TRIM33: variants seen among roughly 807,000 people sequenced by gnomAD.
TRIM33 encodes E3 ubiquitin-protein ligase TRIM33.
TRIM33 carries 20 observed loss-of-function variants against 125.4 expected under a neutral mutation model. The observed-to-expected ratio is 0.16, with a 90% CI of 0.11 to 0.23. The LOEUF is 0.23. Among genes scored for constraint, TRIM33 ranks in the 10% least tolerant of loss-of-function variants. The pLI is 1.00. For missense variants in TRIM33, 920 were observed against 1,411.4 expected, an observed-to-expected ratio of 0.65 and a Z score of 5.58; for synonymous variants, 564 against 513.9, an observed-to-expected ratio of 1.10 and a Z score of -1.32.
At chr1:114,409,562 C>G (rs1652452908) in intron 12 of TRIM33, among the ~76,000 whole-genome samples, 1 of 152,144 alleles carries the variant, frequency 6.6e-6, no homozygotes, top group Non-Finnish European at 1.5e-5. Flanking sequence ...CCATGAAAGA[C>G]TGTGAATATA....
intron 1 of TRIM33, among the ~76,000 whole-genome samples, chr1:114,498,946 T>A (rs190091220): frequency 6.6e-6 from 1 of 152,260 alleles, no homozygotes; most frequent in African/African-American, 2.4e-5. Context: ...ATCACTATAT[T>A]TCAAAACAAC....
intron 1 of TRIM33, among the ~76,000 whole-genome samples, chr1:114,486,174 G>C (rs559741211): frequency 1.3e-5 from 2 of 152,110 alleles, no homozygotes; most frequent in African/African-American, 2.4e-5. Context: ...TATTTGGTAG[G>C]CTGAGGCAGG....
intron 18 of TRIM33, among the ~76,000 whole-genome samples, chr1:114,399,236 G>A (rs1375460776): frequency 6.6e-6 from 1 of 151,822 alleles, no homozygotes; most frequent in Admixed American, 6.6e-5. Context: ...TTTAGAAAAG[G>A]ATATTTGATA....
chr1:114,427,943 C>T, intron 6 of TRIM33, 49 bp from the exon 7 acceptor site: 2 of 1,598,504 alleles, frequency 1.3e-6, no homozygotes. Flanking sequence ...GAAAAAAAAT[C>T]AACCCCACAT....
intron 1 of TRIM33, among the ~76,000 whole-genome samples, chr1:114,507,827 C>T (rs1281999828): frequency 1.3e-5 from 2 of 152,092 alleles, no homozygotes; most frequent in Non-Finnish European, 2.9e-5. Flanking sequence ...TCTAAAAACA[C>T]GGTGGATGGC....
At chr1:114,436,973 C>T (rs937124414) in intron 4 of TRIM33, among the ~76,000 whole-genome samples, 4 of 152,268 alleles carry the variant, frequency 2.6e-5, no homozygotes, top group Non-Finnish European at 5.9e-5. Context: ...TGATGAAAAA[C>T]AATCTTTTTG....
chr1:114,410,111 A>G, intron 12 of TRIM33, 73 bp downstream of exon 12: 1 of 1,551,116 alleles, frequency 6.4e-7, no homozygotes, highest in Non-Finnish European at 8.8e-7. Flanking sequence ...TTTCTGGAGA[A>G]TTCTGACTAA....
In TRIM33 at chr1:114,501,053, A is replaced by G. The variant is rs905695077; in HGVS notation, c.526+9498T>C. Reference sequence around the variant, plus strand: ...AAAATACAAAAAATTAGCCGGGCGTAGTGGCGGGCGCCTGTAGTCCCAGCT... The same window carrying G: ...AAAATACAAAAAATTAGCCGGGCGTGGTGGCGGGCGCCTGTAGTCCCAGCT... On this transcript the variant is annotated intron_variant, in intron 1 of 19. Transcript: ENST00000358465. 1.7e-5 allele frequency among the ~76,000 whole-genome samples: 2 copies of G among 114,818 alleles called. 1 individual carries two copies. Among genetic ancestry groups the G allele is most frequent in the African/African-American group, 7.6e-5 (2 of 26,380 alleles). 75.3% of individuals were successfully genotyped at this position (114,818 alleles called of 152,430 possible).
At chr1:114,487,007 A>G (rs1651741146) in intron 1 of TRIM33, among the ~76,000 whole-genome samples, 1 of 151,848 alleles carries the variant, frequency 6.6e-6, no homozygotes, top group Non-Finnish European at 1.5e-5. Flanking sequence ...GAATCACTTG[A>G]ACCCAGGAAA....
intron 11 of TRIM33, among the ~76,000 whole-genome samples, chr1:114,417,702 A>G (rs1213285553): frequency 6.6e-6 from 1 of 152,176 alleles, no homozygotes; most frequent in Admixed American, 6.5e-5. Context: ...CTTGTTACCC[A>G]GGCTGGAGTG....
intron 1 of TRIM33, among the ~76,000 whole-genome samples, chr1:114,507,454 T>G (rs1476562484): frequency 6.6e-6 from 1 of 152,214 alleles, no homozygotes; most frequent in Non-Finnish European, 1.5e-5. Flanking sequence ...ATACTCATCA[T>G]TGTTTCAAAA....
intron 4 of TRIM33, among the ~76,000 whole-genome samples, chr1:114,449,116 T>C (rs1490980795): frequency 2.0e-5 from 3 of 151,724 alleles, no homozygotes; most frequent in Admixed American, 6.6e-5. Flanking sequence ...GGTGATGACA[T>C]GAAATTAAAA....
At chr1:114,486,959 C>G (rs762468097) in intron 1 of TRIM33, among the ~76,000 whole-genome samples, 4 of 151,644 alleles carry the variant, frequency 2.6e-5, no homozygotes, top group African/African-American at 7.3e-5. Context: ...TGGTGGCGTA[C>G]GCTTGTAGTA....
chr1:114,471,270 A>T (rs1650632320), intron 1 of TRIM33, among the ~76,000 whole-genome samples: 1 of 152,090 alleles, frequency 6.6e-6, no homozygotes, highest in South Asian at 2.1e-4. Context: ...AATATGGTCA[A>T]ACTCTACTAA....
At chr1:114,461,194 G>C (rs1341035494) in intron 4 of TRIM33, among the ~76,000 whole-genome samples, 1 of 139,866 alleles carries the variant, frequency 7.1e-6, no homozygotes. Context: ...CTGGGTGACA[G>C]AGCAAGAACC....
At chr1:114,464,931 T>C (rs903561199) in intron 1 of TRIM33, among the ~76,000 whole-genome samples, 9 of 151,988 alleles carry the variant, frequency 5.9e-5, no homozygotes, top group Non-Finnish European at 8.8e-5. Flanking sequence ...GACAAGGAAA[T>C]GGATTTTCTC....
intron 1 of TRIM33, among the ~76,000 whole-genome samples, chr1:114,503,125 ACAT>A (rs1013643877): frequency 2.0e-5 from 3 of 152,194 alleles, no homozygotes; most frequent in Non-Finnish European, 2.9e-5. Context: ...TATTTTTTAA[ACAT>A]CAGTTGCAAT....
chr1:114,406,932 G>A lies in TRIM33; in HGVS notation c.2418+9C>T, dbSNP rs1358732520. On this transcript the variant is annotated intron_variant, in intron 14 of 19. Coordinates refer to ENST00000358465, the MANE Select transcript of TRIM33 (RefSeq NM_015906.4). ...CTTAAGTCCCTGTCAGACTCCAGTG[G>A]GAGCTTACCATGCAAGCACTCCTCC... is the stretch of plus-strand genomic sequence containing the variant. 1.2e-6 allele frequency: 2 copies of A among 1,612,230 alleles called. No individual in the cohort carries two copies. Among genetic ancestry groups the A allele is most frequent in the East Asian group, 2.2e-5 (1 of 44,866 alleles).
chr1:114,503,516 T>C (rs894063999), intron 1 of TRIM33, among the ~76,000 whole-genome samples: 2 of 152,210 alleles, frequency 1.3e-5, no homozygotes, highest in Non-Finnish European at 2.9e-5. Flanking sequence ...AATCTATTTA[T>C]TATTGCTCTG....
Sources: allele counts gnomAD v4.1 joint callset (sites outside exome capture counted in the v4.1 genomes callset), GRCh38; gene constraint gnomAD v4.1.1; transcripts MANE v1.5; gene names NCBI Gene and HGNC (gene_info 2026-07-23, HGNC 2026-07-21).